The following ATAD2 variants were observed in gnomAD, a reference collection of about 807,000 sequenced individuals.
The protein encoded by ATAD2 is ATPase family AAA domain-containing protein 2.
In ATAD2, 62 loss-of-function variants were observed where a neutral mutation model predicts 168.9. The observed-to-expected ratio is 0.37, with a 90% CI of 0.30 to 0.45. The LOEUF is 0.45. Among genes scored for constraint, ATAD2 ranks in the 20% least tolerant of loss-of-function variants. ATAD2 has a pLI of 1.00. For missense variants in ATAD2, 1,419 were observed against 1,667.8 expected, an observed-to-expected ratio of 0.85 and a Z score of 2.60; for synonymous variants, 613 against 571.6, an observed-to-expected ratio of 1.07 and a Z score of -1.03.
At chr8:123,368,174 T>G (rs1473120611) in intron 8 of ATAD2, among the ~76,000 whole-genome samples, 1 of 152,134 alleles carries the variant, frequency 6.6e-6, no homozygotes, top group Admixed American at 6.6e-5. Flanking sequence ...TCCCAGCACT[T>G]TGGGAAGCTG....
chr8:123,371,645 C>T, intron 4 of ATAD2, 25 bp downstream of exon 4: 1 of 1,577,514 alleles, frequency 6.3e-7, no homozygotes, highest in African/African-American at 1.4e-5. Context: ...GATAAATCAT[C>T]TTGATCTAAG....
intron 2 of ATAD2, among the ~76,000 whole-genome samples, chr8:123,378,385 A>C (rs1238359368): frequency 6.6e-6 from 1 of 152,176 alleles, no homozygotes; most frequent in Admixed American, 6.6e-5. Context: ...CTTATCTAGA[A>C]AATATGGTAT....
intron 1 of ATAD2, among the ~76,000 whole-genome samples, chr8:123,409,806 C>T (rs1207498007): frequency 6.6e-6 from 1 of 151,804 alleles, no homozygotes; most frequent in African/African-American, 2.4e-5. Flanking sequence ...TGTCGTGGCA[C>T]ACATCTGTAG....
upstream of ATAD2, chr8:123,400,850 AC>A (rs1198098505): frequency 4.4e-6 from 6 of 1,371,166 alleles, no homozygotes; most frequent in South Asian, 4.6e-5. The surrounding 1 kb of genome is among the most constrained non-coding windows in gnomAD (Gnocchi z 4.5). Flanking sequence ...GGTTTCATTC[AC>A]CACAACTGCA....
intron 1 of ATAD2, among the ~76,000 whole-genome samples, chr8:123,382,134 T>G (rs1483234486): frequency 1.3e-5 from 2 of 152,156 alleles, no homozygotes; most frequent in African/African-American, 4.8e-5. Flanking sequence ...CTCTGAAAAC[T>G]GATCAGTTTA....
At chr8:123,385,879 A>C (rs1829634839) in intron 1 of ATAD2, among the ~76,000 whole-genome samples, 1 of 152,142 alleles carries the variant, frequency 6.6e-6, no homozygotes, top group Admixed American at 6.6e-5. Flanking sequence ...AAAATAAGCA[A>C]AAGATGTGAA....
At chr8:123,365,174 T>C (rs1828937183) in intron 8 of ATAD2, among the ~76,000 whole-genome samples, 1 of 152,084 alleles carries the variant, frequency 6.6e-6, no homozygotes, top group African/African-American at 2.4e-5. Flanking sequence ...CAACCCCTTT[T>C]ACAATAGCTG....
chr8:123,393,617 T>C (rs1812695520), intron 1 of ATAD2, among the ~76,000 whole-genome samples: 1 of 151,982 alleles, frequency 6.6e-6, no homozygotes, highest in South Asian at 2.1e-4. Context: ...CAAGAATCTA[T>C]TATAATCCAG....
intron 1 of ATAD2, among the ~76,000 whole-genome samples, chr8:123,391,343 A>C (rs1173533581): frequency 6.6e-6 from 1 of 151,988 alleles, no homozygotes; most frequent in Non-Finnish European, 1.5e-5. Flanking sequence ...TCAGGAAAAA[A>C]CAAAAACACA....
intron 24 of ATAD2, among the ~76,000 whole-genome samples, chr8:123,329,525 G>A (rs1004468952): frequency 6.6e-6 from 1 of 152,042 alleles, no homozygotes; most frequent in Non-Finnish European, 1.5e-5. Flanking sequence ...CACTTTGGGA[G>A]GCTGAGGCGG....
rs560953078 is a variant in ATAD2, at chr8:123,378,369, A to G, written c.320+2160T>C. ...AAAATTAAAAACTCAAAAGGGCATA[A>G]CCTTGCTTATCTAGAAAATATGGTA... On this transcript the variant is annotated intron_variant, in intron 2 of 27. Coordinates refer to ENST00000287394, the MANE Select transcript of ATAD2 (RefSeq NM_014109.4). Among the ~76,000 whole-genome samples the G allele has an allele frequency of 3.9e-5, 6 of 152,254 alleles. No individual in the cohort carries two copies. The South Asian group carries it at 1.2e-3, about 32-fold the overall frequency.
chr8:123,364,780 G>A (rs942370410), intron 8 of ATAD2, among the ~76,000 whole-genome samples: 1 of 152,022 alleles, frequency 6.6e-6, no homozygotes, highest in South Asian at 2.1e-4. Context: ...ACACTTCAAT[G>A]TAATAAAAGC....
At chr8:123,353,935 C>A (rs911079889) in intron 13 of ATAD2, among the ~76,000 whole-genome samples, 3 of 152,074 alleles carry the variant, frequency 2.0e-5, no homozygotes, top group African/African-American at 7.2e-5. Context: ...GAGTTCGAGA[C>A]CAGCCTGGCC....
At chr8:123,328,903 C>T (rs779432059) in intron 24 of ATAD2, among the ~76,000 whole-genome samples, 1 of 147,816 alleles carries the variant, frequency 6.8e-6, no homozygotes, top group East Asian at 2.0e-4. Context: ...CGGGTTCATG[C>T]CATTCTCTTG....
At position 123,328,287 on chromosome 8, in the gene ATAD2, C is replaced by A; in HGVS notation, c.3771G>T (p.Lys1257Asn). The change falls in exon 25 of 28, where the codon AAG becomes AAT. Residue 1257 changes from lysine to asparagine, a missense_variant. By Grantham distance (94) the Lys-to-Asn change is moderately conservative. Around this residue, in one of 5 missense-constraint regions of ATAD2, gnomAD observed 303 missense variants for 304.3 expected, o/e 1.00. Coordinates refer to ENST00000287394, the MANE Select transcript of ATAD2 (RefSeq NM_014109.4). ...CTCTCAATTCTGTACATGCTGTAGT[C>A]TTCCTAGAGTCTTCAAGCTCATTCT... ...NIENELEDSR[K>N]TTACTELRDK... The A allele has an allele frequency of 6.3e-7, 1 of 1,599,488 alleles. No individual in the cohort carries two copies. Among genetic ancestry groups the A allele is most frequent in the Non-Finnish European group, 8.5e-7 (1 of 1,174,610 alleles).
At chr8:123,410,394 C>T (rs1297948831) in intron 1 of ATAD2, among the ~76,000 whole-genome samples, 1 of 152,234 alleles carries the variant, frequency 6.6e-6, no homozygotes, top group East Asian at 1.9e-4. Flanking sequence ...TCAAGCGATT[C>T]TCCTGCCTCA....
Position 123,346,010 on chromosome 8 carries a change from T to G in ATAD2, c.2532+76A>C. The G allele has an allele frequency of 5.0e-6, 6 of 1,194,580 alleles. No individual in the cohort carries two copies. In the South Asian group the frequency reaches 8.2e-5, roughly 16 times the overall value. 74.0% of individuals were successfully genotyped at this position (1,194,580 alleles called of 1,614,324 possible). ...AAATCAGAAAGACAAAAAAACACAA[T>G]ACAAAAAAATGGGGCAATTTTAGCT... On this transcript the variant is annotated intron_variant, in intron 18 of 27. Coordinates refer to ENST00000287394, the MANE Select transcript of ATAD2 (RefSeq NM_014109.4).
rs552083306 is a variant in ATAD2, at chr8:123,402,098, C to A, written c.-2281-923G>T. On this transcript the variant is annotated intron_variant, in intron 1 of 28. Transcript: ENST00000521903. The surrounding 1 kb of genome is among the most constrained non-coding windows in gnomAD (Gnocchi z 4.8). ...CCATGGCCTGCACTCTTAGGAGAAG[C>A]GGCTGTACTGACAGCAGTGGAGGCC... is the stretch of plus-strand genomic sequence containing the variant. The A allele has an allele frequency of 3.5e-6, 4 of 1,127,902 alleles. No individual in the cohort carries two copies. The highest frequency in any genetic ancestry group is 3.5e-5 in the Admixed American group (2 of 56,540). The allele number at this position is 1,127,902 out of a possible 1,614,324, so 69.9% of individuals were successfully genotyped here.
chr8:123,414,002 A>G (rs1586916714), intron 1 of ATAD2, among the ~76,000 whole-genome samples: 1 of 149,228 alleles, frequency 6.7e-6, no homozygotes, highest in Admixed American at 6.8e-5. Context: ...AAAATACACA[A>G]TTTAGCTGGG....
Sources: gnomAD v4.1 joint callset for allele counts (sites outside exome capture counted in the v4.1 genomes callset) on GRCh38, gnomAD v4.1.1 for gene constraint, gnomAD v4.1.1 regional missense constraint, Gnocchi (gnomAD v3.1) non-coding constraint, MANE v1.5 for transcripts, NCBI Gene and HGNC (gene_info 2026-07-23, HGNC 2026-07-21) for gene names.